The following TMEM209 variants were observed in gnomAD, a reference collection of about 807,000 sequenced individuals.
TMEM209 encodes the protein transmembrane protein 209, also known as testicular tissue protein Li 202.
A neutral mutation model predicts 76.2 loss-of-function variants in TMEM209; 65 were observed. The ratio of observed to expected loss-of-function variants is 0.85; its 90% CI spans 0.70 to 1.05. The LOEUF (loss-of-function observed/expected upper bound fraction) is 1.05, where lower values mean the gene tolerates loss of function less well. Ranked by LOEUF, TMEM209 falls within the 50% of genes least tolerant of loss-of-function variation. The probability of loss-of-function intolerance (pLI) is 0.00; values close to 1 mark genes in which losing one functional copy is unlikely to be tolerated. For synonymous variants in TMEM209, 239 were observed against 237.6 expected, an observed-to-expected ratio of 1.01 and a Z score of -0.06; for missense variants, 623 against 685.5, an observed-to-expected ratio of 0.91 and a Z score of 1.02.
At chr7:130,186,616 T>C (rs1220432724) in intron 6 of TMEM209, among the ~76,000 whole-genome samples, 1 of 152,220 alleles carries the variant, frequency 6.6e-6, no homozygotes, top group Non-Finnish European at 1.5e-5. Context: ...AAACGTAAGT[T>C]TTCTATGAAA....
intron 5 of TMEM209, among the ~76,000 whole-genome samples, chr7:130,201,070 C>CA: frequency 9.7e-6 from 1 of 103,478 alleles, no homozygotes; most frequent in Admixed American, 1.6e-4. Context: ...GTCTAGGCAA[C>CA]AGAGCGAGAC....
At chr7:130,166,962 TAAC>T (rs1015151133) in intron 14 of TMEM209, among the ~76,000 whole-genome samples, 3 of 152,140 alleles carry the variant, frequency 2.0e-5, no homozygotes, top group African/African-American at 7.2e-5. Context: ...CTACTACATA[TAAC>T]AACAACAACA....
In TMEM209 at chr7:130,192,895, A is replaced by C. The variant is rs1341685626; in HGVS notation, c.574-72T>G. ...TCATTTTGTTTTGGTTTTTGACTTA[A>C]GTAAAACACCTAGTAGAATGGCGAA... On this transcript the variant is annotated intron_variant, in intron 5 of 14. Coordinates refer to ENST00000397622, the MANE Select transcript of TMEM209 (RefSeq NM_032842.4). 6.2e-5 allele frequency: 90 copies of C among 1,455,194 alleles called. 1 individual carries two copies. In the East Asian group the frequency reaches 2.2e-3, roughly 36 times the overall value. The allele number at this position is 1,455,194 out of a possible 1,614,324, so 90.1% of individuals were successfully genotyped here. A position where few individuals can be genotyped will look rare whatever the true frequency, so the allele number is the denominator to read the frequency against.
intron 5 of TMEM209, among the ~76,000 whole-genome samples, chr7:130,200,795 T>C (rs539229087): frequency 1.1e-4 from 17 of 152,296 alleles, no homozygotes; most frequent in Non-Finnish European, 2.4e-4. Flanking sequence ...TTAATTTTAA[T>C]ATTGGATAAC....
intron 1 of TMEM209, 68 bp downstream of exon 1, chr7:130,205,305 G>A (rs1385384480): frequency 6.2e-7 from 1 of 1,613,472 alleles, no homozygotes; most frequent in Non-Finnish European, 8.5e-7. Context: ...CAGATCAGCA[G>A]GCGCGGAACT....
At chr7:130,174,879 A>C (rs1032588165) in intron 11 of TMEM209, among the ~76,000 whole-genome samples, 7 of 152,222 alleles carry the variant, frequency 4.6e-5, no homozygotes, top group Non-Finnish European at 1.0e-4. Context: ...TAATGAAAAA[A>C]TATCTAGGTA....
Position 130,192,818 on chromosome 7 carries a change from C to T in TMEM209, c.579G>A (p.Ala193=), listed in dbSNP as rs780689657. The change falls in exon 6 of 15, where the codon GCG becomes GCA. Residue 193 remains alanine, a synonymous_variant. Transcript: ENST00000397622. ...GAGAAGGAGGAGAGGGGCTAAAGCT[C>T]GCCAACTATACAAAATAAAAGATCT... is the stretch of plus-strand genomic sequence containing the variant. ...YSPVSGYNKL[A]SFSPSPPSPY... is the part of the protein sequence containing the mutation. 6 of 1,613,290 alleles carry T rather than the reference C, an allele frequency of 3.7e-6. No homozygotes were observed. Among genetic ancestry groups the T allele is most frequent in the Non-Finnish European group, 5.1e-6 (6 of 1,179,584 alleles).
chr7:130,170,600 A>G, intron 13 of TMEM209, 127 bp from the exon 14 acceptor site: 1 of 751,002 alleles, frequency 1.3e-6, no homozygotes, highest in Middle Eastern at 3.8e-4. Flanking sequence ...ACTTTCATTT[A>G]TTTATTAAAC....
rs371468453 is a variant in TMEM209 at position 130,201,916 on chromosome 7, C to G, written c.507G>C (p.Leu169=). Residue 169 remains leucine, a synonymous_variant, in exon 5 of 15, where the codon CTG becomes CTC. Transcript: ENST00000397622. ...MTGYSPQLQG[L]SSGGSGSYSP... ...TATAAGAACCACTGCCACCTGAGGA[C>G]AGACCTTGCAGCTGAGGGCTGTAAC... 1 of 1,613,852 alleles carries G rather than the reference C, an allele frequency of 6.2e-7. No individual in the cohort carries two copies. The highest frequency in any genetic ancestry group is 8.5e-7 in the Non-Finnish European group (1 of 1,179,872).
chr7:130,173,455 T>C (rs918133070), intron 13 of TMEM209, among the ~76,000 whole-genome samples, 177 bp downstream of exon 13: 1 of 152,244 alleles, frequency 6.6e-6, no homozygotes, highest in Admixed American at 6.5e-5. Context: ...TTTTTCTTTA[T>C]ACTTTCCCCA....
At chr7:130,205,332 A>C (rs755950428) in intron 1 of TMEM209, 41 bp downstream of exon 1, 1 of 1,613,918 alleles carries the variant, frequency 6.2e-7, no homozygotes, top group Non-Finnish European at 8.5e-7. Context: ...ACCCGCGTAG[A>C]TTCCAAGACA....
chr7:130,175,453 C>A (rs1797201372), intron 11 of TMEM209, 59 bp downstream of exon 11: 2 of 1,489,066 alleles, frequency 1.3e-6, no homozygotes, highest in East Asian at 2.4e-5. Context: ...CAGAGTAAGA[C>A]CCTGTGTCAG....
rs914153861 is a variant in TMEM209 at position 130,204,777 on chromosome 7, C to G, written c.3+596G>C. On this transcript the variant is annotated intron_variant, in intron 1 of 14. Transcript: ENST00000397622. ...CACGGACTAGGCAAAAGGCTAACTT[C>G]AGAAACTCAAAATGTCAAGTTTTGG... Among the ~76,000 whole-genome samples the G allele has an allele frequency of 3.5e-4, 53 of 152,156 alleles. 1 individual carries two copies. Among genetic ancestry groups the G allele is most frequent in the African/African-American group, 1.2e-3 (51 of 41,434 alleles).
At chr7:130,185,441 G>A in intron 6 of TMEM209, 74 bp from the exon 7 acceptor site, 1 of 1,293,880 alleles carries the variant, frequency 7.7e-7, no homozygotes, top group Non-Finnish European at 1.1e-6. Context: ...TTATATCTAG[G>A]CAATGGCAAT....
At chr7:130,193,723 G>A (rs1163802659) in intron 5 of TMEM209, among the ~76,000 whole-genome samples, 2 of 151,720 alleles carry the variant, frequency 1.3e-5, no homozygotes, top group East Asian at 1.9e-4. Flanking sequence ...ACAGGAATTT[G>A]GAGGAAAAGA....
intron 1 of TMEM209, chr7:130,205,157 C>A (rs1798400286): frequency 6.8e-7 from 1 of 1,466,576 alleles, no homozygotes; most frequent in Non-Finnish European, 9.0e-7. Context: ...GCCACTCAGC[C>A]CCCGCGTCCC....
At chr7:130,176,594 T>C (rs999288617) in intron 10 of TMEM209, among the ~76,000 whole-genome samples, 3 of 152,046 alleles carry the variant, frequency 2.0e-5, no homozygotes, top group Admixed American at 2.0e-4. Context: ...GAAGGGGTTA[T>C]GTAAAACTAC....
At chr7:130,188,893 A>G (rs2117007160) in intron 6 of TMEM209, among the ~76,000 whole-genome samples, 1 of 152,336 alleles carries the variant, frequency 6.6e-6, no homozygotes, top group African/African-American at 2.4e-5. Context: ...TTTAAACGGA[A>G]TCTAACAGTA....
rs774020192 is a variant in TMEM209, at chr7:130,205,371, A to G, written c.3+2T>C. 42 of 1,613,790 alleles carry G rather than the reference A, an allele frequency of 2.6e-5. No individual in the cohort carries two copies. Among genetic ancestry groups the G allele is most frequent in the Non-Finnish European group, 3.6e-5 (42 of 1,179,906 alleles). On this transcript the variant is annotated splice_donor_variant, in intron 1 of 14. Coordinates refer to ENST00000397622, the MANE Select transcript of TMEM209 (RefSeq NM_032842.4). LOFTEE classifies it high-confidence loss of function. ...AGCACAAACACGACCCCGAAAACGCACCATGTCCTCTGGCCGGAAAACGCA... is the reference window on the plus strand; with the variant it reads ...AGCACAAACACGACCCCGAAAACGCGCCATGTCCTCTGGCCGGAAAACGCA...
Sources: allele counts gnomAD v4.1 joint callset (sites outside exome capture counted in the v4.1 genomes callset), GRCh38; gene constraint gnomAD v4.1.1; transcripts MANE v1.5; gene names NCBI Gene and HGNC (gene_info 2026-07-23, HGNC 2026-07-21).